GPC6: variants seen among roughly 807,000 people sequenced by gnomAD.
GPC6 encodes glypican-6.
In GPC6, 14 loss-of-function variants were observed where a neutral mutation model predicts 55.2. That is an observed-to-expected ratio of 0.25 (90% CI 0.17 to 0.40). The LOEUF is 0.40. Ranked by LOEUF, GPC6 falls within the 10% of genes least tolerant of loss-of-function variation. GPC6 has a pLI of 1.00. For synonymous variants in GPC6, 278 were observed against 259.6 expected, an observed-to-expected ratio of 1.07 and a Z score of -0.68; for missense variants, 641 against 708.5, an observed-to-expected ratio of 0.90 and a Z score of 1.08.
At chr13:93,841,600 A>G (rs1324028806) in intron 3 of GPC6, among the ~76,000 whole-genome samples, 3 of 152,198 alleles carry the variant, frequency 2.0e-5, no homozygotes, top group Admixed American at 6.6e-5. Flanking sequence ...AGTGTCAGTA[A>G]TAGGATAACG....
chr13:93,278,332 C>T (rs1433646801), intron 1 of GPC6, among the ~76,000 whole-genome samples: 1 of 152,050 alleles, frequency 6.6e-6, no homozygotes, highest in Admixed American at 6.6e-5. Context: ...GTGTACAGTT[C>T]GATACTATTA....
intron 3 of GPC6, among the ~76,000 whole-genome samples, chr13:93,960,593 C>T (rs534572003): frequency 1.3e-5 from 2 of 152,240 alleles, no homozygotes; most frequent in African/African-American, 4.8e-5. Flanking sequence ...ATAAGGTTCT[C>T]TTGTAGCCTG....
At chr13:93,233,494 C>T (rs1455010520) in intron 1 of GPC6, among the ~76,000 whole-genome samples, 2 of 151,992 alleles carry the variant, frequency 1.3e-5, no homozygotes, top group Admixed American at 6.6e-5. Context: ...GTCATTGTAC[C>T]AGGTTCTGGG....
rs191986266 is a variant in GPC6, at chr13:93,276,095, C to T, written c.160+48479C>T. Among the ~76,000 whole-genome samples, 664 of 152,178 alleles carry T rather than the reference C, an allele frequency of 4.4e-3. 5 individuals are homozygous for T. Among genetic ancestry groups the T allele is most frequent in the African/African-American group, 0.015 (640 of 41,512 alleles). On this transcript the variant is annotated intron_variant, in intron 1 of 8. Transcript: ENST00000377047. Reference sequence around the variant, plus strand: ...TTCACCGTGTTAGCCAGGATGGTTTCGATCTCCTGACCTCGTGATCCACTC... The same window carrying T: ...TTCACCGTGTTAGCCAGGATGGTTTTGATCTCCTGACCTCGTGATCCACTC...
At position 93,354,354 on chromosome 13, in the gene GPC6, T is replaced by TTTTTTTTG. The variant is rs1555293308; in HGVS notation, c.160+126745_160+126746insGTTTTTTT. ...AGAAGTGCTTCCGTTGGTAGATTTTTTTTTTTTTTTTTTTGAGACAGAGTC... is the reference window on the plus strand; with the variant it reads ...AGAAGTGCTTCCGTTGGTAGATTTTTTTTTTTTGTTTTTTTTTTTTTTGAGACAGAGTC... On this transcript the variant is annotated intron_variant, in intron 1 of 8. Transcript: ENST00000377047. 1.0e-3 allele frequency among the ~76,000 whole-genome samples: 140 copies of TTTTTTTTG among 138,778 alleles called. 1 individual carries two copies. Among genetic ancestry groups the TTTTTTTTG allele is most frequent in the African/African-American group, 3.1e-3 (114 of 36,730 alleles). 91.0% of individuals were successfully genotyped at this position (138,778 alleles called of 152,430 possible). A position where few individuals can be genotyped will look rare whatever the true frequency, so the allele number is the denominator to read the frequency against.
chr13:93,831,608 A>G (rs1476210955), intron 3 of GPC6, among the ~76,000 whole-genome samples: 2 of 151,920 alleles, frequency 1.3e-5, no homozygotes, highest in African/African-American at 4.8e-5. Flanking sequence ...CCTAGCATAA[A>G]GATGGTGTGT....
At chr13:93,408,700 G>A (rs999046205) in intron 1 of GPC6, among the ~76,000 whole-genome samples, 21 of 152,266 alleles carry the variant, frequency 1.4e-4, no homozygotes, top group Admixed American at 7.9e-4. Flanking sequence ...GATAGAATGA[G>A]TACTCAGGTC....
intron 1 of GPC6, among the ~76,000 whole-genome samples, chr13:93,463,976 C>T (rs1878807872): frequency 6.6e-6 from 1 of 150,690 alleles, no homozygotes; most frequent in African/African-American, 2.4e-5. Flanking sequence ...AGCAATAAAG[C>T]AATTATCAAA....
chr13:94,054,200 C>T (rs971895210), intron 4 of GPC6, among the ~76,000 whole-genome samples: 1 of 152,158 alleles, frequency 6.6e-6, no homozygotes, highest in Admixed American at 6.5e-5. Context: ...GAAAAGAATA[C>T]CCGCCCCGCC....
chr13:94,085,321 CAAAAAAAAAA>C (rs33967804), intron 4 of GPC6, among the ~76,000 whole-genome samples: 2 of 87,050 alleles, frequency 2.3e-5, no homozygotes, highest in African/African-American at 4.3e-5. Context: ...GATTCTGTCT[CAAAAAAAAAA>C]AAAAAAAAAA....
chr13:93,310,512 A>C (rs1325388549), intron 1 of GPC6, among the ~76,000 whole-genome samples: 1 of 152,176 alleles, frequency 6.6e-6, no homozygotes, highest in African/African-American at 2.4e-5. Flanking sequence ...ACTTGTAGTG[A>C]TTGGATATTA....
chr13:93,284,033 C>T (rs1878033972), intron 1 of GPC6, among the ~76,000 whole-genome samples: 1 of 152,150 alleles, frequency 6.6e-6, no homozygotes, highest in Non-Finnish European at 1.5e-5. Context: ...CAGGGCAACA[C>T]TTGTATTGAA....
chr13:94,396,726 C>A (rs1880912729), intron 7 of GPC6, among the ~76,000 whole-genome samples: 1 of 152,192 alleles, frequency 6.6e-6, no homozygotes, highest in South Asian at 2.1e-4. Flanking sequence ...CTCTATAAGA[C>A]AAGGAGGGTC....
At chr13:93,278,654 T>A (rs1877845143) in intron 1 of GPC6, among the ~76,000 whole-genome samples, 1 of 152,216 alleles carries the variant, frequency 6.6e-6, no homozygotes, top group Non-Finnish European at 1.5e-5. Context: ...GTGTCATGAA[T>A]TTTGCCTGGG....
At chr13:93,362,855 A>G (rs1333339494) in intron 1 of GPC6, among the ~76,000 whole-genome samples, 2 of 152,234 alleles carry the variant, frequency 1.3e-5, no homozygotes, top group East Asian at 1.9e-4. Flanking sequence ...AGCACTCTGC[A>G]TCTTTTTAAA....
At chr13:93,234,438 G>A (rs1230182278) in intron 1 of GPC6, among the ~76,000 whole-genome samples, 1 of 152,122 alleles carries the variant, frequency 6.6e-6, no homozygotes, top group African/African-American at 2.4e-5. Flanking sequence ...TGTTGAATAA[G>A]TGTTTTAATC....
At chr13:93,333,364 C>A (rs991459122) in intron 1 of GPC6, among the ~76,000 whole-genome samples, 5 of 151,900 alleles carry the variant, frequency 3.3e-5, no homozygotes, top group African/African-American at 1.2e-4. Context: ...TTGTTGTTAT[C>A]TTTAACTTCT....
chr13:93,723,127 C>A (rs1445163192), intron 2 of GPC6, among the ~76,000 whole-genome samples: 1 of 151,974 alleles, frequency 6.6e-6, no homozygotes, highest in African/African-American at 2.4e-5. Flanking sequence ...TAATTACTTT[C>A]TTAATATAAG....
intron 1 of GPC6, among the ~76,000 whole-genome samples, chr13:93,462,872 C>T (rs1011135947): frequency 9.2e-5 from 14 of 152,072 alleles, no homozygotes; most frequent in Admixed American, 2.0e-4. Flanking sequence ...CACCTGTGTC[C>T]TTCCTTTTCC....
Sources: gnomAD v4.1 joint callset for allele counts (sites outside exome capture counted in the v4.1 genomes callset) on GRCh38, gnomAD v4.1.1 for gene constraint, MANE v1.5 for transcripts, NCBI Gene and HGNC (gene_info 2026-07-23, HGNC 2026-07-21) for gene names.